LRRC69: variants seen among roughly 807,000 people sequenced by gnomAD.
LRRC69 encodes leucine rich repeat containing 69.
LRRC69 carries 42 observed loss-of-function variants against 37.8 expected under a neutral mutation model. That is an observed-to-expected ratio of 1.11 (90% confidence interval 0.87 to 1.44). The LOEUF is 1.44. Among genes scored for constraint, LRRC69 ranks in the 40% most tolerant of loss-of-function variants. The pLI, the probability that LRRC69 is intolerant of heterozygous loss-of-function variation, is 0.00. For synonymous variants in LRRC69, 141 were observed against 143.1 expected (o/e 0.99, Z 0.11); for missense variants, 357 against 401.9 (o/e 0.89, Z 0.96).
chr8:91,112,852 A>G lies in LRRC69; in HGVS notation c.183+10008A>G, dbSNP rs116454560. The stretch of plus-strand genomic sequence containing the variant: ...TAAAGACTCAATAAAAAACCGTTAG[A>G]ACTAATAAATGAATTCAGTCAAGTT... On this transcript the variant is annotated intron_variant, in intron 1 of 7. Coordinates refer to ENST00000448384, the Ensembl canonical transcript of LRRC69. 2.2e-3 allele frequency among the ~76,000 whole-genome samples: 339 copies of G among 152,180 alleles called. 2 individuals are homozygous for G. The highest frequency in any genetic ancestry group is 7.9e-3 in the African/African-American group (328 of 41,584).
At chr8:91,185,535 C>G (rs1404787447) in intron 5 of LRRC69, among the ~76,000 whole-genome samples, 1 of 151,944 alleles carries the variant, frequency 6.6e-6, no homozygotes, top group African/African-American at 2.4e-5. Flanking sequence ...TTTTCCCTCC[C>G]TTTCATGCAG....
chr8:91,142,590 G>GGATTTT (rs1402859398), intron 5 of LRRC69, among the ~76,000 whole-genome samples: 1 of 152,014 alleles, frequency 6.6e-6, no homozygotes, highest in Non-Finnish European at 1.5e-5. Context: ...TTAAAACCCA[G>GGATTTT]AAGGCTAGGC....
At chr8:91,127,857 A>G (rs964727402) in intron 3 of LRRC69, among the ~76,000 whole-genome samples, 11 of 152,028 alleles carry the variant, frequency 7.2e-5, no homozygotes, top group African/African-American at 2.7e-4. Context: ...AGAGAATACA[A>G]AACTTTGAAC....
chr8:91,197,340 C>T (rs561614182), intron 6 of LRRC69, among the ~76,000 whole-genome samples: 10 of 152,324 alleles, frequency 6.6e-5, no homozygotes, highest in Admixed American at 5.2e-4. Context: ...CAGAGGCAGG[C>T]AGGCCTCCTG....
At chr8:91,197,370 C>T (rs1809624820) in intron 6 of LRRC69, among the ~76,000 whole-genome samples, 1 of 152,144 alleles carries the variant, frequency 6.6e-6, no homozygotes, top group Non-Finnish European at 1.5e-5. Context: ...TGGGCTCCAC[C>T]CAGTTCGAGC....
exon 6 of LRRC69, chr8:91,189,588 A>G (rs1809458674): frequency 6.4e-7 from 1 of 1,551,366 alleles, no homozygotes; most frequent in African/African-American, 1.4e-5. Flanking sequence ...GCAGCCAGTG[A>G]TTTCTACACA....
rs777720921 is a variant in LRRC69 at position 91,218,890 on chromosome 8, G to T, written c.934G>T (p.Asp312Tyr). Residue 312 changes from aspartate to tyrosine, a missense_variant and splice_region_variant, in exon 8 of 8, where the codon GAC (aspartate) becomes TAC (tyrosine). Coordinates refer to ENST00000448384, the Ensembl canonical transcript of LRRC69. ...TTTATTTTTAATCTTTACTTTTTAG[G>T]ACTGGAAGATAAGCAAGAATCTGAA... 35 of 1,532,712 alleles carry T rather than the reference G, an allele frequency of 2.3e-5. 1 individual carries two copies. In the South Asian group the frequency reaches 4.1e-4, roughly 18 times the overall value. The allele number at this position is 1,532,712 out of a possible 1,614,324, so 94.9% of individuals were successfully genotyped here. A position where few individuals can be genotyped will look rare whatever the true frequency, so the allele number is the denominator to read the frequency against.
intron 5 of LRRC69, among the ~76,000 whole-genome samples, chr8:91,159,283 T>C (rs1808892818): frequency 6.6e-6 from 1 of 151,254 alleles, no homozygotes; most frequent in Admixed American, 6.6e-5. Flanking sequence ...TAAAGGACGT[T>C]ATCTGGAACT....
rs575063747 is a variant in LRRC69 at position 91,192,092 on chromosome 8, G to A, written c.753+2469G>A. Among the ~76,000 whole-genome samples, 64 of 148,156 alleles carry A rather than the reference G, an allele frequency of 4.3e-4. No individual in the cohort carries two copies. The East Asian group carries it at 9.7e-3, about 22-fold the overall frequency. On this transcript the variant is annotated intron_variant, in intron 6 of 7. Transcript: ENST00000448384. ...TTCCCACCTATGAGTGAGAATATGCGGTGTTTGGTTTTTTGTTCTTGCGAT... is the reference window on the plus strand; with the variant it reads ...TTCCCACCTATGAGTGAGAATATGCAGTGTTTGGTTTTTTGTTCTTGCGAT...
intron 5 of LRRC69, among the ~76,000 whole-genome samples, chr8:91,188,745 T>C (rs1363665004): frequency 6.6e-6 from 1 of 152,208 alleles, no homozygotes; most frequent in East Asian, 1.9e-4. Flanking sequence ...AATCTTTTCT[T>C]TTTCTACTGA....
At chr8:91,180,360 A>G (rs746499942) in intron 5 of LRRC69, among the ~76,000 whole-genome samples, 1 of 152,202 alleles carries the variant, frequency 6.6e-6, no homozygotes, top group Non-Finnish European at 1.5e-5. Flanking sequence ...GCTTCTCAAC[A>G]GAGCTACCTG....
chr8:91,110,010 C>A (rs905789543), intron 1 of LRRC69, among the ~76,000 whole-genome samples: 26 of 151,960 alleles, frequency 1.7e-4, no homozygotes. Flanking sequence ...TAAATTGAAC[C>A]TCCTTCCATA....
At chr8:91,218,973 T>A in exon 8 of LRRC69, 1 of 1,550,506 alleles carries the variant, frequency 6.4e-7, no homozygotes, top group Middle Eastern at 1.7e-4. Context: ...AACGTGACCC[T>A]AACCTCTTTG....
chr8:91,209,812 A>C (rs555365082), intron 7 of LRRC69, among the ~76,000 whole-genome samples: 53 of 152,338 alleles, frequency 3.5e-4, no homozygotes, highest in Middle Eastern at 3.4e-3. Flanking sequence ...TAAGCCAAGA[A>C]GAGGAGATAT....
At chr8:91,191,079 A>C (rs1214529925) in intron 6 of LRRC69, among the ~76,000 whole-genome samples, 1 of 145,758 alleles carries the variant, frequency 6.9e-6, no homozygotes, top group Non-Finnish European at 1.5e-5. Flanking sequence ...CAACAACAAA[A>C]AGCAAAGGGA....
chr8:91,206,737 T>C, intron 7 of LRRC69: 3 of 1,289,758 alleles, frequency 2.3e-6, no homozygotes, highest in Non-Finnish European at 3.0e-6. Flanking sequence ...ATTTATTTGG[T>C]ACTGAGTGTG....
At chr8:91,122,849 C>T (rs1813653529) in intron 1 of LRRC69, among the ~76,000 whole-genome samples, 1 of 151,986 alleles carries the variant, frequency 6.6e-6, no homozygotes, top group Admixed American at 6.6e-5. Context: ...CACCTAATCC[C>T]CCAATCCTCT....
chr8:91,115,124 A>C (rs1306007634), intron 1 of LRRC69, among the ~76,000 whole-genome samples: 1 of 152,056 alleles, frequency 6.6e-6, no homozygotes, highest in Non-Finnish European at 1.5e-5. Context: ...GAGCTAATGC[A>C]CAATGATGTG....
intron 5 of LRRC69, among the ~76,000 whole-genome samples, chr8:91,186,090 G>A (rs902591931): frequency 2.0e-5 from 3 of 152,202 alleles, no homozygotes; most frequent in African/African-American, 7.2e-5. Context: ...GTCTGGAGAA[G>A]AAGGCCTTCG....
Sources: gnomAD v4.1 joint callset for allele counts (sites outside exome capture counted in the v4.1 genomes callset) on GRCh38, gnomAD v4.1.1 for gene constraint, MANE v1.5 for transcripts, NCBI Gene and HGNC (gene_info 2026-07-23, HGNC 2026-07-21) for gene names.